Variants in GALNT14 observed in about 807,000 individuals in gnomAD.
GALNT14 encodes the protein polypeptide N-acetylgalactosaminyltransferase 14, also known as UDP-GalNAc:polypeptide N-acetylgalactosaminyltransferase 14.
Under a neutral mutation model 77.5 loss-of-function variants are expected in GALNT14, and 60 were observed. The observed-to-expected ratio is 0.77, with a 90% CI of 0.63 to 0.96. The LOEUF (loss-of-function observed/expected upper bound fraction) is 0.96, where lower values mean the gene tolerates loss of function less well. GALNT14 is among the 40% of genes least tolerant of loss of function. The probability of loss-of-function intolerance (pLI) is 0.00; values close to 1 mark genes in which losing one functional copy is unlikely to be tolerated. For missense variants in GALNT14, 710 were observed against 731.0 expected (o/e 0.97, Z 0.33); for synonymous variants, 280 against 281.7 (o/e 0.99, Z 0.06).
chr2:30,935,605 G>A lies in GALNT14; in HGVS notation c.932-3411C>T, dbSNP rs139894902. 2.1e-3 allele frequency among the ~76,000 whole-genome samples: 314 copies of A among 152,334 alleles called. 1 individual carries two copies. Among genetic ancestry groups the A allele is most frequent in the Non-Finnish European group, 3.6e-3 (247 of 68,032 alleles). On this transcript the variant is annotated intron_variant, in intron 9 of 14. Transcript: ENST00000349752. ...GCCAGAGTCAAGAGGCAGTCTGAGG[G>A]ATGCGGCTTGGAGTTTTCAGATCAG...
At chr2:30,912,421 G>T in intron 13 of GALNT14, 79 bp from the exon 14 acceptor site, 1 of 1,539,922 alleles carries the variant, frequency 6.5e-7, no homozygotes, top group Non-Finnish European at 8.9e-7. Flanking sequence ...ACTTACGGGT[G>T]TGATTAGCAC....
chr2:31,004,408 G>A (rs1046347219), intron 1 of GALNT14, among the ~76,000 whole-genome samples: 13 of 152,364 alleles, frequency 8.5e-5, no homozygotes, highest in Middle Eastern at 3.4e-3. Context: ...GGGATTGGAT[G>A]TAGGTAGAGC....
intron 1 of GALNT14, among the ~76,000 whole-genome samples, chr2:31,112,363 T>G (rs956719961): frequency 6.6e-6 from 1 of 152,212 alleles, no homozygotes; most frequent in South Asian, 2.1e-4. Flanking sequence ...CTCGTATTCA[T>G]AGACCCTTAG....
intron 1 of GALNT14, among the ~76,000 whole-genome samples, chr2:31,072,500 C>T (rs1194760031): frequency 6.6e-6 from 1 of 151,928 alleles, no homozygotes; most frequent in Non-Finnish European, 1.5e-5. Flanking sequence ...CTTTCTGTTT[C>T]ACAGCCCCTT....
rs563059829 is a variant in GALNT14, at chr2:31,093,477, C to A, written c.129+44481G>T. On this transcript the variant is annotated intron_variant, in intron 1 of 14. Transcript: ENST00000349752. ...CTCAGTCTCTTCCAGCCTTGGGAAT[C>A]TAAGGTTCTATTAGCCATCTAGAGG... Among the ~76,000 whole-genome samples, 260 of 152,320 alleles carry A rather than the reference C, an allele frequency of 1.7e-3. 3 individuals are homozygous for A. The highest frequency in any genetic ancestry group is 6.0e-3 in the African/African-American group (251 of 41,568).
intron 1 of GALNT14, among the ~76,000 whole-genome samples, chr2:31,026,176 CA>C (rs935521213): frequency 1.3e-5 from 2 of 152,166 alleles, no homozygotes; most frequent in Non-Finnish European, 2.9e-5. Context: ...ACATTTCTTC[CA>C]GTAAGGGGCG....
At chr2:30,970,515 C>T (rs1284145094) in intron 2 of GALNT14, among the ~76,000 whole-genome samples, 1 of 152,130 alleles carries the variant, frequency 6.6e-6, no homozygotes, top group Non-Finnish European at 1.5e-5. Context: ...GGTGAGCCGG[C>T]CCGCACGCCA....
At chr2:31,011,068 G>A (rs1041183702) in intron 1 of GALNT14, among the ~76,000 whole-genome samples, 1 of 152,206 alleles carries the variant, frequency 6.6e-6, no homozygotes, top group African/African-American at 2.4e-5. Context: ...ACAGGAAGGA[G>A]GGAGGGAAGG....
intron 2 of GALNT14, among the ~76,000 whole-genome samples, chr2:30,990,528 A>G (rs2148399901): frequency 6.6e-6 from 1 of 152,372 alleles, no homozygotes; most frequent in Non-Finnish European, 1.5e-5. Context: ...AGAAGAAAAC[A>G]GGGCTTTGCT....
At chr2:31,010,442 A>G (rs985051711) in intron 1 of GALNT14, among the ~76,000 whole-genome samples, 1 of 152,218 alleles carries the variant, frequency 6.6e-6, no homozygotes, top group African/African-American at 2.4e-5. Context: ...TACTAAAAAT[A>G]CAAAAAATAA....
At position 31,138,081 on chromosome 2, in the gene GALNT14, C is replaced by T. The variant is rs762822750; in HGVS notation, c.6G>A (p.Arg2=). 1.9e-6 allele frequency: 3 copies of T among 1,613,686 alleles called. No homozygotes were observed. The highest frequency in any genetic ancestry group is 3.3e-5 in the Admixed American group (2 of 60,028). M[R]RLTRRLVLPV... The stretch of plus-strand genomic sequence containing the variant: ...GCAGAACCAGCCGACGAGTCAGGCG[C>T]CGCATGGTCCCCTTTGCCGCTTCCT... Residue 2 remains arginine, a synonymous_variant, in exon 1 of 15, where the codon CGG becomes CGA. Coordinates refer to ENST00000349752, the MANE Select transcript of GALNT14 (RefSeq NM_024572.4).
At chr2:30,992,386 G>A (rs1248944812) in intron 2 of GALNT14, among the ~76,000 whole-genome samples, 1 of 152,074 alleles carries the variant, frequency 6.6e-6, no homozygotes, top group East Asian at 1.9e-4. Flanking sequence ...AATGTCCAAC[G>A]GCTGGCACTG....
intron 1 of GALNT14, among the ~76,000 whole-genome samples, chr2:31,092,677 T>C (rs947018014): frequency 1.3e-5 from 2 of 152,128 alleles, no homozygotes; most frequent in African/African-American, 4.8e-5. Context: ...TCAGTCAATA[T>C]AAAAAATCAT....
At chr2:31,078,488 G>A (rs1318226947) in intron 1 of GALNT14, among the ~76,000 whole-genome samples, 2 of 152,196 alleles carry the variant, frequency 1.3e-5, no homozygotes, top group East Asian at 3.9e-4. Context: ...AGCCAACTAA[G>A]TGGCTTATAG....
At chr2:31,015,851 A>T (rs1350232156) in intron 1 of GALNT14, among the ~76,000 whole-genome samples, 2 of 152,210 alleles carry the variant, frequency 1.3e-5, no homozygotes, top group African/African-American at 4.8e-5. Flanking sequence ...ATTGGAAGAG[A>T]CTATTACAAT....
At chr2:30,977,558 G>A (rs1668711189) in intron 2 of GALNT14, among the ~76,000 whole-genome samples, 1 of 152,156 alleles carries the variant, frequency 6.6e-6, no homozygotes, top group African/African-American at 2.4e-5. Context: ...GATCAGAGAA[G>A]CATCATTCCC....
At chr2:31,122,084 G>C (rs1417605150) in intron 1 of GALNT14, among the ~76,000 whole-genome samples, 2 of 152,232 alleles carry the variant, frequency 1.3e-5, no homozygotes, top group African/African-American at 4.8e-5. Context: ...AGCTTGGAAG[G>C]AGAATGGGAT....
At chr2:31,107,045 T>C (rs545218700) in intron 1 of GALNT14, among the ~76,000 whole-genome samples, 3 of 152,240 alleles carry the variant, frequency 2.0e-5, no homozygotes, top group Non-Finnish European at 2.9e-5. Context: ...AACTGAAAAA[T>C]ATTTGTGTGC....
At chr2:31,022,473 T>C (rs564691446) in intron 1 of GALNT14, among the ~76,000 whole-genome samples, 34 of 152,182 alleles carry the variant, frequency 2.2e-4, no homozygotes, top group Admixed American at 3.9e-4. Flanking sequence ...AAGGCCTTTT[T>C]TTCCCCCAAC....
Sources: allele counts gnomAD v4.1 joint callset (sites outside exome capture counted in the v4.1 genomes callset), GRCh38; gene constraint gnomAD v4.1.1; transcripts MANE v1.5; gene names NCBI Gene and HGNC (gene_info 2026-07-23, HGNC 2026-07-21).